EPHA3: variants seen among roughly 807,000 people sequenced by gnomAD.
EPHA3 encodes EPH receptor A3.
A neutral mutation model predicts 107.1 loss-of-function variants in EPHA3; 42 were observed. That is an observed-to-expected ratio of 0.39 (90% CI 0.31 to 0.51). The LOEUF is 0.51. EPHA3 is among the 20% of genes least tolerant of loss of function. EPHA3 has a pLI of 0.78. For synonymous variants in EPHA3, 461 were observed against 424.8 expected (o/e 1.09, Z -1.05); for missense variants, 1,183 against 1,211.2 (o/e 0.98, Z 0.35).
At chr3:89,173,933 C>T (rs1705262490) in intron 2 of EPHA3, among the ~76,000 whole-genome samples, 3 of 151,766 alleles carry the variant, frequency 2.0e-5, no homozygotes. Context: ...AGTGAACAAC[C>T]ACAGTCTGGT....
chr3:89,443,528 TAGA>T (rs906428018), intron 13 of EPHA3, among the ~76,000 whole-genome samples: 1 of 152,184 alleles, frequency 6.6e-6, no homozygotes, highest in African/African-American at 2.4e-5. Context: ...TATGAAAAAC[TAGA>T]TTTAACTCAT....
intron 2 of EPHA3, among the ~76,000 whole-genome samples, chr3:89,158,299 C>T (rs1429955976): frequency 1.3e-5 from 2 of 151,964 alleles, no homozygotes; most frequent in African/African-American, 2.4e-5. Context: ...TGGATTCTAC[C>T]ACTTCATTGA....
chr3:89,225,897 G>A (rs548987106), intron 3 of EPHA3, among the ~76,000 whole-genome samples: 9 of 152,094 alleles, frequency 5.9e-5, no homozygotes, highest in Non-Finnish European at 1.3e-4. Flanking sequence ...AGTTACATTT[G>A]CCTGGGGCCA....
chr3:89,137,503 C>T (rs1289767068), intron 2 of EPHA3, among the ~76,000 whole-genome samples: 1 of 151,676 alleles, frequency 6.6e-6, no homozygotes, highest in African/African-American at 2.4e-5. Flanking sequence ...TACGTAAGTC[C>T]CATGTCCCAA....
intron 13 of EPHA3, among the ~76,000 whole-genome samples, chr3:89,437,282 T>C (rs1374366421): frequency 6.6e-6 from 1 of 152,168 alleles, no homozygotes; most frequent in Non-Finnish European, 1.5e-5. Flanking sequence ...TAATATATTT[T>C]AAAGAAGTAG....
intron 15 of EPHA3, among the ~76,000 whole-genome samples, chr3:89,450,588 A>C (rs1040486981): frequency 1.3e-5 from 2 of 152,118 alleles, no homozygotes; most frequent in African/African-American, 2.4e-5. Context: ...TTTAACATCT[A>C]TCTTGACTCT....
intron 6 of EPHA3, 26 bp downstream of exon 6, chr3:89,395,987 G>GCAAGAA: frequency 6.2e-7 from 1 of 1,611,024 alleles, no homozygotes. Context: ...TTAAGGGTTG[G>GCAAGAA]GCTGTGTAGG....
chr3:89,298,761 A>C (rs1223320947), intron 3 of EPHA3, among the ~76,000 whole-genome samples: 1 of 152,174 alleles, frequency 6.6e-6, no homozygotes, highest in African/African-American at 2.4e-5. Context: ...CATGGAGTAC[A>C]TATATGGGAT....
intron 10 of EPHA3, among the ~76,000 whole-genome samples, chr3:89,415,745 T>C (rs1709234864): frequency 6.6e-6 from 1 of 151,290 alleles, no homozygotes; most frequent in Non-Finnish European, 1.5e-5. Flanking sequence ...AGAAAGTAAA[T>C]ACTTAGTAAG....
At chr3:89,223,569 G>A (rs1340677654) in intron 3 of EPHA3, among the ~76,000 whole-genome samples, 2 of 152,170 alleles carry the variant, frequency 1.3e-5, no homozygotes, top group African/African-American at 2.4e-5. Flanking sequence ...TCCTAGACTA[G>A]TAATAAACCT....
chr3:89,468,169 T>G (rs534441755), intron 15 of EPHA3, among the ~76,000 whole-genome samples: 2 of 152,190 alleles, frequency 1.3e-5, no homozygotes, highest in Admixed American at 6.5e-5. Context: ...AATTTTTATT[T>G]GAAATCCCCA....
chr3:89,133,304 AG>A (rs1286160570), intron 2 of EPHA3, among the ~76,000 whole-genome samples: 13 of 152,342 alleles, frequency 8.5e-5, no homozygotes, highest in African/African-American at 3.1e-4. Context: ...CACAGACAAA[AG>A]TTCGCATACA....
At chr3:89,219,970 A>G (rs1020087815) in intron 3 of EPHA3, among the ~76,000 whole-genome samples, 5 of 151,436 alleles carry the variant, frequency 3.3e-5, no homozygotes, top group Middle Eastern at 3.4e-3. Context: ...GGCCTCCCAA[A>G]GTGCTGGGAT....
chr3:89,307,920 G>A (rs1576302508), intron 3 of EPHA3, among the ~76,000 whole-genome samples: 1 of 152,140 alleles, frequency 6.6e-6, no homozygotes, highest in Non-Finnish European at 1.5e-5. Context: ...AATATGGTAA[G>A]TTTAACCATA....
intron 2 of EPHA3, among the ~76,000 whole-genome samples, chr3:89,183,889 G>T (rs1705500797): frequency 6.6e-6 from 1 of 151,860 alleles, no homozygotes; most frequent in Non-Finnish European, 1.5e-5. Flanking sequence ...AAGTCTGTGA[G>T]ATTTGCTGGT....
At position 89,258,944 on chromosome 3, in the gene EPHA3, G is replaced by A. The variant is rs1705350324; in HGVS notation, c.814+48424G>A. Reference sequence around the variant, plus strand: ...AAACAAGTTTACACCAAACAACAATGAAAAGTCAATGTATGGGAAATCTCT... The same window carrying A: ...AAACAAGTTTACACCAAACAACAATAAAAAGTCAATGTATGGGAAATCTCT... On this transcript the variant is annotated intron_variant, in intron 3 of 16. Coordinates refer to ENST00000336596, the MANE Select transcript of EPHA3 (RefSeq NM_005233.6). Among the ~76,000 whole-genome samples the A allele has an allele frequency of 2.6e-5, 4 of 152,050 alleles. No homozygotes were observed. In the South Asian group the frequency reaches 8.3e-4, roughly 32 times the overall value.
intron 1 of EPHA3, among the ~76,000 whole-genome samples, chr3:89,108,923 A>C (rs1707035314): frequency 6.6e-6 from 1 of 152,198 alleles, no homozygotes; most frequent in Non-Finnish European, 1.5e-5. Flanking sequence ...ATACCGAGCA[A>C]CTGATGTGCA....
At chr3:89,298,042 A>AAAAC (rs549083321) in intron 3 of EPHA3, among the ~76,000 whole-genome samples, 141 of 152,290 alleles carry the variant, frequency 9.3e-4, no homozygotes, top group Non-Finnish European at 1.4e-3. Flanking sequence ...CTCAAAAAAC[A>AAAAC]AAACAAACAA....
intron 7 of EPHA3, chr3:89,400,130 T>C (rs2107509547): frequency 2.3e-6 from 2 of 870,424 alleles, no homozygotes; most frequent in Middle Eastern, 5.5e-4. Context: ...ATTATGTCTA[T>C]GGCACTAATA....
Sources: allele counts gnomAD v4.1 joint callset (sites outside exome capture counted in the v4.1 genomes callset), GRCh38; gene constraint gnomAD v4.1.1; transcripts MANE v1.5; gene names NCBI Gene and HGNC (gene_info 2026-07-23, HGNC 2026-07-21).